TESMIN: variants seen among roughly 807,000 people sequenced by gnomAD.
The protein encoded by TESMIN is CXC domain containing 2.
A neutral mutation model predicts 47.4 loss-of-function variants in TESMIN; 34 were observed. That is an observed-to-expected ratio of 0.72 (90% CI 0.55 to 0.96). The LOEUF is 0.96. TESMIN is among the 40% of genes least tolerant of loss of function. The pLI, the probability that TESMIN is intolerant of heterozygous loss-of-function variation, is 0.00. For missense variants in TESMIN, 610 were observed against 637.2 expected (o/e 0.96, Z 0.46); for synonymous variants, 278 against 258.9 (o/e 1.07, Z -0.71).
At chr11:68,722,039 A>G (rs559868744) in intron 6 of TESMIN, among the ~76,000 whole-genome samples, 1 of 152,330 alleles carries the variant, frequency 6.6e-6, no homozygotes, top group Non-Finnish European at 1.5e-5. Flanking sequence ...CCATTGCAGC[A>G]TCAGGGTAAA....
chr11:68,738,073 A>G, intron 6 of TESMIN: 1 of 985,824 alleles, frequency 1.0e-6, no homozygotes, highest in African/African-American at 1.7e-5. Flanking sequence ...TGTTAACCTG[A>G]TAATTTCAAC....
rs576427442 is a variant in TESMIN, at chr11:68,708,556, G to A, written c.1335-56C>T. ...CAACAGTGCACCATTTCTACCTACAGTACTATTTATATTCAACAGAACATT... is the reference window on the plus strand; with the variant it reads ...CAACAGTGCACCATTTCTACCTACAATACTATTTATATTCAACAGAACATT... On this transcript the variant is annotated intron_variant, in intron 9 of 9. Coordinates refer to ENST00000255087, the MANE Select transcript of TESMIN (RefSeq NM_004923.3). The A allele has an allele frequency of 2.8e-5, 40 of 1,403,680 alleles. No individual in the cohort carries two copies. In the East Asian group the frequency reaches 9.0e-4, roughly 32 times the overall value. 87.0% of individuals were successfully genotyped at this position (1,403,680 alleles called of 1,614,324 possible). A position where few individuals can be genotyped will look rare whatever the true frequency, so the allele number is the denominator to read the frequency against.
intron 5 of TESMIN, 79 bp downstream of exon 5, chr11:68,742,235 CTGAG>C (rs1946465797): frequency 6.2e-6 from 5 of 811,432 alleles, no homozygotes; most frequent in Admixed American, 2.9e-5. Context: ...ATTATATTTC[CTGAG>C]TAATTCCAAC....
At position 68,715,551 on chromosome 11, in the gene TESMIN, T is replaced by C. The variant is rs188432470; in HGVS notation, c.1020+286A>G. The stretch of plus-strand genomic sequence containing the variant: ...GACCCCAAATGTCTAAACTCCAAGA[T>C]AAAGTGGACATTCGCATGTTCTTGA... On this transcript the variant is annotated intron_variant, in intron 7 of 9. Transcript: ENST00000255087. Among the ~76,000 whole-genome samples, 5 of 150,976 alleles carry C rather than the reference T, an allele frequency of 3.3e-5. No individual in the cohort carries two copies. In the East Asian group the frequency reaches 7.7e-4, roughly 23 times the overall value.
At chr11:68,713,222 A>T in intron 8 of TESMIN, 48 bp downstream of exon 8, 1 of 1,555,468 alleles carries the variant, frequency 6.4e-7, no homozygotes, top group Admixed American at 1.9e-5. Flanking sequence ...GTTACTCAAC[A>T]TATTTACCTG....
At chr11:68,722,491 G>A (rs1421458736) in intron 6 of TESMIN, among the ~76,000 whole-genome samples, 1 of 151,876 alleles carries the variant, frequency 6.6e-6, no homozygotes, top group African/African-American at 2.4e-5. Context: ...CCATCTGAAT[G>A]GGAAAAAGGA....
At chr11:68,736,215 A>G (rs1237415228) in intron 6 of TESMIN, 1 of 985,290 alleles carries the variant, frequency 1.0e-6, no homozygotes, top group African/African-American at 1.7e-5. Context: ...CACATTTATT[A>G]CCAGATTGGT....
At chr11:68,726,846 G>C (rs1304100548) in intron 6 of TESMIN, among the ~76,000 whole-genome samples, 1 of 152,096 alleles carries the variant, frequency 6.6e-6, no homozygotes, top group Non-Finnish European at 1.5e-5. Context: ...GGGATGCTGA[G>C]GTGGGAGGAT....
At chr11:68,724,872 C>T (rs913873148) in intron 6 of TESMIN, among the ~76,000 whole-genome samples, 1 of 152,136 alleles carries the variant, frequency 6.6e-6, no homozygotes, top group Non-Finnish European at 1.5e-5. Flanking sequence ...CCTACAGCAA[C>T]TATCTTATTT....
chr11:68,741,773 C>CA (rs1213841451), intron 5 of TESMIN, among the ~76,000 whole-genome samples: 1 of 152,144 alleles, frequency 6.6e-6, no homozygotes, highest in Non-Finnish European at 1.5e-5. Flanking sequence ...AAACGCAAGC[C>CA]AGTGAGAGTG....
intron 5 of TESMIN, among the ~76,000 whole-genome samples, chr11:68,741,868 C>T (rs1205751336): frequency 6.6e-6 from 1 of 152,228 alleles, no homozygotes; most frequent in Non-Finnish European, 1.5e-5. Context: ...GGAGGTGACA[C>T]TTCATACCAA....
At chr11:68,710,733 G>T (rs1946053226) in intron 9 of TESMIN, 141 bp downstream of exon 9, 2 of 769,750 alleles carry the variant, frequency 2.6e-6, no homozygotes, top group South Asian at 2.0e-5. Context: ...CATGGAGGGA[G>T]GAACGACTTC....
In TESMIN at chr11:68,737,919, A is replaced by G. The variant is rs887909824; in HGVS notation, c.917+781T>C. ...CAGAGCAAGAGTCCGTCTCAAAAAAACAAAACAAACAAACAAACAAAAAAC... is the reference window on the plus strand; with the variant it reads ...CAGAGCAAGAGTCCGTCTCAAAAAAGCAAAACAAACAAACAAACAAAAAAC... On this transcript the variant is annotated intron_variant, in intron 6 of 9. Transcript: ENST00000255087. 2.1e-5 allele frequency: 19 copies of G among 923,608 alleles called. No homozygotes were observed. In the African/African-American group the frequency reaches 3.6e-4, roughly 17 times the overall value. The allele number at this position is 923,608 out of a possible 1,614,324, so 57.2% of individuals were successfully genotyped here.
chr11:68,712,988 G>T (rs1456517669), intron 8 of TESMIN, among the ~76,000 whole-genome samples: 1 of 152,116 alleles, frequency 6.6e-6, no homozygotes, highest in African/African-American at 2.4e-5. Flanking sequence ...GCCACAGAGG[G>T]ACAAAGCCAC....
chr11:68,738,287 G>C (rs1052072982), intron 6 of TESMIN: 40 of 999,966 alleles, frequency 4.0e-5, no homozygotes, highest in Non-Finnish European at 4.5e-5. Flanking sequence ...AGCGGGCGGA[G>C]GCAGCTGGAG....
intron 6 of TESMIN, among the ~76,000 whole-genome samples, chr11:68,720,118 T>G (rs1310213349): frequency 6.6e-6 from 1 of 152,166 alleles, no homozygotes; most frequent in East Asian, 1.9e-4. Flanking sequence ...TTCAAAGCAT[T>G]GGCAGAAAAA....
Position 68,713,326 on chromosome 11 carries a change from T to C in TESMIN, c.1102A>G (p.Lys368Glu). ...CCTGACCTCCTGCAGTTGCACCCTT[T>C]GTTGTGCTGGGGCTTGACATTGCCC... ...QLGNVKPQHN[K>E]GCNCRRSGCL... The change falls in exon 8 of 10, where the codon AAA becomes GAA. Residue 368 changes from lysine (K) to glutamate (E), a missense_variant. Lys to Glu is a moderately conservative substitution (Grantham distance 56). Transcript: ENST00000255087. 1 of 1,614,194 alleles carries C rather than the reference T, an allele frequency of 6.2e-7. No homozygotes were observed. Among genetic ancestry groups the C allele is most frequent in the Non-Finnish European group, 8.5e-7 (1 of 1,180,026 alleles).
Position 68,710,866 on chromosome 11 carries a change from G to T in TESMIN, c.1334+8C>A. 6.2e-7 allele frequency: 1 copy of T among 1,606,964 alleles called. No homozygotes were observed. The highest frequency in any genetic ancestry group is 8.5e-7 in the Non-Finnish European group (1 of 1,177,388). ...CTCTATTAGCAGAGGTTAGTTCAAA[G>T]TACCTACCTATCGTGACTGAATCTT... On this transcript the variant is annotated splice_region_variant and intron_variant, in intron 9 of 9. Transcript: ENST00000255087.
At chr11:68,733,882 A>G (rs1409240837) in intron 6 of TESMIN, among the ~76,000 whole-genome samples, 6 of 152,202 alleles carry the variant, frequency 3.9e-5, no homozygotes, top group South Asian at 2.1e-4. Context: ...GGAGTTTCCA[A>G]TGTGATGGAA....
Sources: gnomAD v4.1 joint callset for allele counts (sites outside exome capture counted in the v4.1 genomes callset) on GRCh38, gnomAD v4.1.1 for gene constraint, MANE v1.5 for transcripts, NCBI Gene and HGNC (gene_info 2026-07-23, HGNC 2026-07-21) for gene names.